CENPI: variants seen among roughly 807,000 people sequenced by gnomAD.
CENPI encodes FSH primary response 1.
Under a neutral mutation model 60.4 loss-of-function variants are expected in CENPI, and 4 were observed. The ratio of observed to expected loss-of-function variants is 0.07; its 90% CI spans 0.03 to 0.15. CENPI has a LOEUF of 0.15. Ranked by LOEUF, CENPI falls within the 10% of genes least tolerant of loss-of-function variation. The pLI, the probability that CENPI is intolerant of heterozygous loss-of-function variation, is 1.00. For synonymous variants in CENPI, 157 were observed against 189.4 expected, an observed-to-expected ratio of 0.83 and a Z score of 1.40; for missense variants, 444 against 534.5, an observed-to-expected ratio of 0.83 and a Z score of 1.67.
chrX:101,153,268 A>G (rs1025955215), intron 20 of CENPI, among the ~76,000 whole-genome samples: 5 of 106,782 alleles, frequency 4.7e-5, no homozygotes, highest in African/African-American at 1.7e-4. Flanking sequence ...GCTCATTTTA[A>G]ATTTTTTAAA....
chrX:101,147,362 G>T (rs375787059), intron 18 of CENPI, among the ~76,000 whole-genome samples: 19 of 110,291 alleles, frequency 1.7e-4, no homozygotes, highest in East Asian at 1.7e-3. Flanking sequence ...TTAGGTATTT[G>T]TCTCAATGCT....
At chrX:101,170,734 C>T (rs968506063), downstream of CENPI, among the ~76,000 whole-genome samples, 5 of 111,409 alleles carry the variant, frequency 4.5e-5, no homozygotes, top group African/African-American at 1.6e-4. Flanking sequence ...TGGGCACAAA[C>T]AAGCCTCCCA....
Position 101,152,687 on chromosome X carries a change from C to T in CENPI, c.2094+4526C>T, listed in dbSNP as rs1036365409. On this transcript the variant is annotated intron_variant, in intron 20 of 21. Coordinates refer to ENST00000682095, the MANE Select transcript of CENPI (RefSeq NM_001386188.2). ...ATAGTGCTGGGATTACAGGCATGAG[C>T]CACAGTGCCCGGACTGGCTTCTTTC... Among the ~76,000 whole-genome samples the T allele has an allele frequency of 2.5e-4, 28 of 111,240 alleles. 1 individual carries two copies. The highest frequency in any genetic ancestry group is 9.1e-4 in the African/African-American group (28 of 30,661).
chrX:101,130,150 C>T lies in CENPI; in HGVS notation c.1287+77C>T, dbSNP rs756703151. On this transcript the variant is annotated intron_variant, in intron 13 of 21. Coordinates refer to ENST00000682095, the MANE Select transcript of CENPI (RefSeq NM_001386188.2). ...TTTAGATATCCATTGAAAACCTTTT[C>T]TTGCCCGGCTGCGGTGGCTCACACC... The T allele has an allele frequency of 4.0e-6, 3 of 750,707 alleles. No individual in the cohort carries two copies. In the Admixed American group the frequency reaches 7.4e-5, roughly 18 times the overall value. 61.9% of individuals were successfully genotyped at this position (750,707 alleles called of 1,213,427 possible). A position where few individuals can be genotyped will look rare whatever the true frequency, so the allele number is the denominator to read the frequency against.
intron 15 of CENPI, among the ~76,000 whole-genome samples, chrX:101,136,297 T>C (rs149421266): frequency 0.018 from 2,058 of 111,442 alleles, 57 homozygotes; most frequent in African/African-American, 0.064. Flanking sequence ...TATGAAGGTG[T>C]ATGTTTAGGT....
At chrX:101,178,389 TTTC>T in the CENPI span, among the ~76,000 whole-genome samples, 1 of 85,888 alleles carries the variant, frequency 1.2e-5, no homozygotes, top group African/African-American at 4.6e-5. Flanking sequence ...TTCTTCTTCT[TTTC>T]TTCTTCTTTT....
chrX:101,150,923 T>TTGTG (rs1328600161), intron 20 of CENPI, among the ~76,000 whole-genome samples: 118 of 108,913 alleles, frequency 1.1e-3, no homozygotes, highest in African/African-American at 3.6e-3. Context: ...TTGCCTGCTT[T>TTGTG]TGTGTGTGTG....
rs187491096 is a variant in CENPI at position 101,106,069 on chromosome X, G to C, written c.365-3404G>C. ...ATGGTAGAAATGTCATCATAATTAG[G>C]TACAAAGGGACTTTAGACTCTTTAA... On this transcript the variant is annotated intron_variant, in intron 4 of 21. Coordinates refer to ENST00000682095, the MANE Select transcript of CENPI (RefSeq NM_001386188.2). Among the ~76,000 whole-genome samples the C allele has an allele frequency of 1.6e-4, 18 of 110,890 alleles. No homozygotes were observed. The East Asian group carries it at 5.1e-3, about 31-fold the overall frequency.
intron 16 of CENPI, chrX:101,140,999 G>C (rs187543311): frequency 3.7e-4 from 96 of 262,969 alleles, no homozygotes; most frequent in African/African-American, 2.5e-3. Context: ...TCTTTCAAGA[G>C]TTAATATAAC....
At chrX:101,162,033 C>T (rs1326874824) in intron 21 of CENPI, among the ~76,000 whole-genome samples, 1 of 109,760 alleles carries the variant, frequency 9.1e-6, no homozygotes, top group Non-Finnish European at 1.9e-5. Context: ...CTCTGCCTCC[C>T]GGGTTCAAGT....
chrX:101,180,887 C>T, the CENPI span, among the ~76,000 whole-genome samples: 4 of 111,528 alleles, frequency 3.6e-5, no homozygotes, highest in Admixed American at 1.9e-4. Context: ...CCACTGCATC[C>T]CCCCAAGTAG....
intron 6 of CENPI, among the ~76,000 whole-genome samples, chrX:101,110,995 T>C (rs2089547846): frequency 1.8e-5 from 2 of 111,437 alleles, no homozygotes; most frequent in African/African-American, 6.5e-5. Flanking sequence ...AATTGTGTTT[T>C]AGGAGACCTT....
intron 21 of CENPI, among the ~76,000 whole-genome samples, chrX:101,161,935 A>T (rs1028466429): frequency 3.7e-5 from 4 of 108,382 alleles, no homozygotes; most frequent in African/African-American, 1.0e-4. Context: ...TGAGGCCTGG[A>T]TTTTATTTTA....
At chrX:101,138,981 G>A (rs1220917436) in intron 15 of CENPI, among the ~76,000 whole-genome samples, 5 of 98,892 alleles carry the variant, frequency 5.1e-5, no homozygotes, top group Non-Finnish European at 1.0e-4. Context: ...TAGAGGCGGG[G>A]TTTCACCATG....
chrX:101,162,990 C>T lies in CENPI; in HGVS notation c.*23C>T. ...TAAATGAATGTTGACATAAACTGAA[C>T]ACACTGGACTAAACTCACTCCTCAT... is the stretch of plus-strand genomic sequence containing the variant. On this transcript the variant is annotated 3_prime_UTR_variant, in exon 22 of 22. Coordinates refer to ENST00000682095, the MANE Select transcript of CENPI (RefSeq NM_001386188.2). 2.5e-6 allele frequency: 3 copies of T among 1,200,956 alleles called. No homozygotes were observed. The highest frequency in any genetic ancestry group is 3.4e-6 in the Non-Finnish European group (3 of 888,536).
Position 101,160,288 on chromosome X carries a change from C to A in CENPI, c.2095-1240C>A, listed in dbSNP as rs183687422. 1.4e-3 allele frequency among the ~76,000 whole-genome samples: 157 copies of A among 110,231 alleles called. 1 individual carries two copies. Among genetic ancestry groups the A allele is most frequent in the African/African-American group, 4.9e-3 (148 of 30,512 alleles). ...GGGAGGGAGGGCAGAAGCAGTGATT[C>A]ATACTTGTTAATGGACTTTCCTGAA... On this transcript the variant is annotated intron_variant, in intron 20 of 21. Transcript: ENST00000682095.
chrX:101,133,445 T>G (rs748551524), intron 15 of CENPI, among the ~76,000 whole-genome samples: 21 of 109,489 alleles, frequency 1.9e-4, no homozygotes, highest in African/African-American at 6.6e-4. Flanking sequence ...AAATTGCTAT[T>G]TTTTGTACGT....
chrX:101,128,640 A>G (rs2089762075), intron 11 of CENPI, 76 bp from the exon 12 acceptor site: 1 of 1,074,093 alleles, frequency 9.3e-7, no homozygotes, highest in Admixed American at 2.3e-5. Context: ...TATTTTTGTT[A>G]TATATTTTCT....
chrX:101,116,762 C>G (rs2089627652), intron 6 of CENPI, among the ~76,000 whole-genome samples: 1 of 111,716 alleles, frequency 9.0e-6, no homozygotes, highest in South Asian at 3.7e-4. Flanking sequence ...TCGCCAAACT[C>G]TTTTCCACAG....
Sources: allele counts gnomAD v4.1 joint callset (sites outside exome capture counted in the v4.1 genomes callset), GRCh38; gene constraint gnomAD v4.1.1; transcripts MANE v1.5; gene names NCBI Gene and HGNC (gene_info 2026-07-23, HGNC 2026-07-21).